Variants in CNTNAP2 observed in about 807,000 individuals in gnomAD.
CNTNAP2 encodes contactin associated protein 2, also known as contactin-associated protein-like 2.
In CNTNAP2, 98 loss-of-function variants were observed where a neutral mutation model predicts 155.2. That is an observed-to-expected ratio of 0.63 (90% CI 0.54 to 0.75). The LOEUF is 0.75. CNTNAP2 is among the 30% of genes least tolerant of loss of function. The pLI is 0.00. For missense variants in CNTNAP2, 1,727 were observed against 1,688.1 expected (o/e 1.02, Z -0.40); for synonymous variants, 651 against 631.2 (o/e 1.03, Z -0.47).
At chr7:147,770,382 G>A (rs1331347486) in intron 13 of CNTNAP2, among the ~76,000 whole-genome samples, 2 of 152,154 alleles carry the variant, frequency 1.3e-5, no homozygotes. Context: ...AAACAAAAGA[G>A]GGAGGAGTGG....
At chr7:147,096,548 A>G (rs775540025) in intron 4 of CNTNAP2, among the ~76,000 whole-genome samples, 2 of 152,218 alleles carry the variant, frequency 1.3e-5, no homozygotes, top group Non-Finnish European at 2.9e-5. Context: ...ATCAAAAGTA[A>G]GAAAGTAAAA....
intron 13 of CNTNAP2, among the ~76,000 whole-genome samples, chr7:147,823,112 T>C (rs1411731773): frequency 6.6e-6 from 1 of 152,134 alleles, no homozygotes; most frequent in Non-Finnish European, 1.5e-5. Flanking sequence ...ATATGGAAAA[T>C]TGTGAATCCT....
intron 3 of CNTNAP2, among the ~76,000 whole-genome samples, chr7:146,875,515 T>C (rs1795400463): frequency 6.6e-6 from 1 of 152,252 alleles, no homozygotes; most frequent in South Asian, 2.1e-4. Flanking sequence ...CACGAAACTG[T>C]CTTTCTCAAA....
chr7:146,822,461 TAA>T (rs937100430), intron 2 of CNTNAP2, among the ~76,000 whole-genome samples: 1 of 151,144 alleles, frequency 6.6e-6, no homozygotes, highest in Non-Finnish European at 1.5e-5. Flanking sequence ...CCTTCAAACT[TAA>T]AGTGTAATAA....
At chr7:146,762,929 CAT>C (rs1802128885) in intron 1 of CNTNAP2, among the ~76,000 whole-genome samples, 1 of 152,178 alleles carries the variant, frequency 6.6e-6, no homozygotes, top group African/African-American at 2.4e-5. Context: ...CCTCCCATGA[CAT>C]GTGGGAATTA....
intron 11 of CNTNAP2, among the ~76,000 whole-genome samples, chr7:147,507,712 G>A (rs769749393): frequency 5.9e-5 from 9 of 151,308 alleles, no homozygotes; most frequent in Admixed American, 1.3e-4. Context: ...GCCACCACGC[G>A]CGGCTAATTT....
chr7:147,078,878 T>G (rs1416351403), intron 4 of CNTNAP2, among the ~76,000 whole-genome samples: 1 of 151,906 alleles, frequency 6.6e-6, no homozygotes, highest in East Asian at 2.0e-4. Context: ...GTCTCCCGAG[T>G]AGCTGGGATT....
chr7:148,048,720 T>C lies in CNTNAP2; in HGVS notation c.2384-69398T>C, dbSNP rs145399089. On this transcript the variant is annotated intron_variant, in intron 15 of 23. Transcript: ENST00000361727. ...CCTGGGAGTCAAGAACAGTGAGCCCTGTGTGAGCTAAAAAACCAGAAGCAA... is the reference window on the plus strand; with the variant it reads ...CCTGGGAGTCAAGAACAGTGAGCCCCGTGTGAGCTAAAAAACCAGAAGCAA... Among the ~76,000 whole-genome samples the C allele has an allele frequency of 9.7e-3, 1,475 of 152,284 alleles. 27 individuals carry two copies. The highest frequency in any genetic ancestry group is 0.033 in the African/African-American group (1,367 of 41,554).
At chr7:146,326,367 T>A (rs1481220435) in intron 1 of CNTNAP2, among the ~76,000 whole-genome samples, 3 of 152,228 alleles carry the variant, frequency 2.0e-5, no homozygotes. Flanking sequence ...TTTCAAAGTT[T>A]TGGAGCTAGC....
At chr7:146,748,000 CG>C (rs1216652158) in intron 1 of CNTNAP2, among the ~76,000 whole-genome samples, 1 of 150,730 alleles carries the variant, frequency 6.6e-6, no homozygotes, top group Non-Finnish European at 1.5e-5. Context: ...ACTAGTTTTC[CG>C]TCTTTTCTCC....
intron 1 of CNTNAP2, among the ~76,000 whole-genome samples, chr7:146,344,503 A>G (rs28687551): frequency 0.12 from 17,959 of 149,470 alleles, 2,006 homozygotes; most frequent in African/African-American, 0.3. Flanking sequence ...TTTTTGAGAC[A>G]CAGTCTCACT....
chr7:146,404,018 G>T (rs896173691), intron 1 of CNTNAP2, among the ~76,000 whole-genome samples: 5 of 149,810 alleles, frequency 3.3e-5, no homozygotes, highest in Non-Finnish European at 5.9e-5. Context: ...CCAGCTACTT[G>T]GGAGGCTGAG....
intron 3 of CNTNAP2, among the ~76,000 whole-genome samples, chr7:146,867,006 G>T (rs188584796): frequency 6.9e-4 from 105 of 152,022 alleles, no homozygotes; most frequent in Admixed American, 4.6e-3. Context: ...AGGATATATG[G>T]AAATCTCTTT....
At chr7:148,220,301 A>G (rs1272614093) in intron 19 of CNTNAP2, among the ~76,000 whole-genome samples, 1 of 152,084 alleles carries the variant, frequency 6.6e-6, no homozygotes, top group Non-Finnish European at 1.5e-5. Flanking sequence ...ATGGGGTTTC[A>G]CCGTGTTAGC....
At chr7:147,604,817 C>G (rs917628207) in intron 12 of CNTNAP2, among the ~76,000 whole-genome samples, 24 of 152,162 alleles carry the variant, frequency 1.6e-4, no homozygotes, top group Admixed American at 1.3e-3. Flanking sequence ...CTCTGAAAAC[C>G]ACCCTCATGT....
intron 6 of CNTNAP2, among the ~76,000 whole-genome samples, chr7:147,125,397 A>T (rs1240506166): frequency 1.3e-5 from 2 of 152,164 alleles, no homozygotes; most frequent in Non-Finnish European, 2.9e-5. Flanking sequence ...AAAGTGGGCC[A>T]ATCACCACCT....
chr7:147,445,778 TTTTCTTCTTTCTTTCTC>T (rs1429066016), intron 10 of CNTNAP2, among the ~76,000 whole-genome samples: 2 of 152,116 alleles, frequency 1.3e-5, no homozygotes, highest in African/African-American at 4.8e-5. Flanking sequence ...CTTTCTCTCT[TTTTCTTCTTTCTTTCTC>T]TTTCTTCTTT....
Position 147,691,583 on chromosome 7 carries a change from C to T in CNTNAP2, c.2098+52277C>T, listed in dbSNP as rs148540628. ...GACAAAGTGATCACCAGCAGCATAC[C>T]ACAATGTAGGATTTCCCCCACACAT... On this transcript the variant is annotated intron_variant, in intron 13 of 23. Transcript: ENST00000361727. Among the ~76,000 whole-genome samples, 3 of 152,188 alleles carry T rather than the reference C, an allele frequency of 2.0e-5. No individual in the cohort carries two copies. The East Asian group carries it at 5.8e-4, about 29-fold the overall frequency.
At chr7:147,809,049 A>G (rs976435866) in intron 13 of CNTNAP2, among the ~76,000 whole-genome samples, 1 of 152,118 alleles carries the variant, frequency 6.6e-6, no homozygotes, top group Non-Finnish European at 1.5e-5. Context: ...AGGAAGGAAA[A>G]AAAAAATGAT....
Sources: allele counts gnomAD v4.1 joint callset (sites outside exome capture counted in the v4.1 genomes callset), GRCh38; gene constraint gnomAD v4.1.1; transcripts MANE v1.5; gene names NCBI Gene and HGNC (gene_info 2026-07-23, HGNC 2026-07-21).